DPP10: variants seen among roughly 807,000 people sequenced by gnomAD.
DPP10 encodes inactive dipeptidyl peptidase 10.
Under a neutral mutation model 120.9 loss-of-function variants are expected in DPP10, and 33 were observed. That is an observed-to-expected ratio of 0.27 (90% CI 0.21 to 0.37). The LOEUF is 0.37. Among genes scored for constraint, DPP10 ranks in the 10% least tolerant of loss-of-function variants. The pLI, the probability that DPP10 is intolerant of heterozygous loss-of-function variation, is 1.00. For missense variants in DPP10, 816 were observed against 942.8 expected (o/e 0.87, Z 1.76); for synonymous variants, 337 against 326.1 (o/e 1.03, Z -0.36).
At chr2:115,072,893 C>T (rs1439702337) in intron 1 of DPP10, among the ~76,000 whole-genome samples, 8 of 152,120 alleles carry the variant, frequency 5.3e-5, no homozygotes, top group Non-Finnish European at 1.5e-5. Flanking sequence ...AGCAATTCTC[C>T]TACCTCAGCC....
At chr2:115,402,987 T>C (rs1369817437) in intron 3 of DPP10, among the ~76,000 whole-genome samples, 1 of 148,186 alleles carries the variant, frequency 6.7e-6, no homozygotes, top group Non-Finnish European at 1.5e-5. Context: ...GGCAACATCA[T>C]TGATAAAGAT....
intron 1 of DPP10, among the ~76,000 whole-genome samples, chr2:114,477,052 C>G (rs989578900): frequency 6.6e-6 from 1 of 152,018 alleles, no homozygotes; most frequent in Non-Finnish European, 1.5e-5. Context: ...TCTGCCTCCC[C>G]AGCTTCAAGC....
chr2:115,645,634 T>C (rs2087179398), intron 5 of DPP10, among the ~76,000 whole-genome samples: 1 of 152,162 alleles, frequency 6.6e-6, no homozygotes. Flanking sequence ...TCTTCCTTAT[T>C]ATAAAAAAAA....
chr2:114,760,091 G>A (rs1442382031), intron 1 of DPP10, among the ~76,000 whole-genome samples: 1 of 152,128 alleles, frequency 6.6e-6, no homozygotes, highest in Admixed American at 6.5e-5. Context: ...TCCTGTAGAA[G>A]TCCCTCCAGC....
At chr2:114,641,951 TA>T (rs772260389) in intron 1 of DPP10, among the ~76,000 whole-genome samples, 1 of 151,804 alleles carries the variant, frequency 6.6e-6, no homozygotes, top group South Asian at 2.1e-4. Context: ...TTTTCACTTT[TA>T]AAAAAAATCA....
At chr2:115,115,590 A>G (rs940658584) in intron 1 of DPP10, among the ~76,000 whole-genome samples, 59 of 152,276 alleles carry the variant, frequency 3.9e-4, no homozygotes, top group African/African-American at 1.3e-3. Flanking sequence ...TCCATTATTC[A>G]TTGACTACCA....
chr2:115,379,405 T>G (rs559298665), intron 3 of DPP10, among the ~76,000 whole-genome samples: 10 of 152,324 alleles, frequency 6.6e-5, no homozygotes, highest in African/African-American at 1.4e-4. Context: ...GATATCCCCT[T>G]TATCATTTTT....
At chr2:114,572,133 A>T (rs923524039) in intron 1 of DPP10, among the ~76,000 whole-genome samples, 10 of 151,898 alleles carry the variant, frequency 6.6e-5, no homozygotes, top group African/African-American at 2.4e-4. Flanking sequence ...CAAGGAAGAA[A>T]ATAAACATCA....
At chr2:114,582,663 C>A (rs886132994) in intron 1 of DPP10, among the ~76,000 whole-genome samples, 4 of 152,094 alleles carry the variant, frequency 2.6e-5, no homozygotes, top group Non-Finnish European at 4.4e-5. Context: ...TCTCATTTTG[C>A]TTTTATTTGT....
At chr2:114,881,498 C>A (rs201732499) in intron 1 of DPP10, among the ~76,000 whole-genome samples, 1 of 149,002 alleles carries the variant, frequency 6.7e-6, no homozygotes, top group African/African-American at 2.5e-5. Context: ...TATCATATCT[C>A]TCTGTCTGTC....
At chr2:115,657,697 C>T (rs1382024823) in intron 5 of DPP10, among the ~76,000 whole-genome samples, 2 of 151,710 alleles carry the variant, frequency 1.3e-5, no homozygotes, top group African/African-American at 4.8e-5. Context: ...AACCTAAATG[C>T]GTGGAAGATG....
At chr2:115,394,698 A>G (rs566090820) in intron 3 of DPP10, among the ~76,000 whole-genome samples, 20 of 152,296 alleles carry the variant, frequency 1.3e-4, no homozygotes, top group Admixed American at 2.6e-4. Flanking sequence ...GAGTCTAACC[A>G]AAGGGACTTT....
chr2:115,791,075 T>G lies in DPP10; in HGVS notation c.1532-6T>G, dbSNP rs1683921313. On this transcript the variant is annotated splice_region_variant and splice_polypyrimidine_tract_variant and intron_variant, in intron 17 of 25. Transcript: ENST00000410059. The stretch of plus-strand genomic sequence containing the variant: ...AGCTATTTACACTACCCTTTTTGGT[T>G]TACAGAATATTTTATATTGGAAAGC... 1 of 1,607,452 alleles carries G rather than the reference T, an allele frequency of 6.2e-7. No homozygotes were observed. The highest frequency in any genetic ancestry group is 8.5e-7 in the Non-Finnish European group (1 of 1,176,542).
At chr2:115,293,071 T>C (rs2060725373) in intron 1 of DPP10, among the ~76,000 whole-genome samples, 1 of 152,092 alleles carries the variant, frequency 6.6e-6, no homozygotes, top group African/African-American at 2.4e-5. Context: ...GTTCCATCTC[T>C]AGGGTACAGA....
At chr2:115,232,055 G>T (rs1316679030) in intron 1 of DPP10, among the ~76,000 whole-genome samples, 1 of 152,128 alleles carries the variant, frequency 6.6e-6, no homozygotes, top group South Asian at 2.1e-4. Context: ...GAATCAAGAG[G>T]ACGTACTTTG....
chr2:114,757,952 A>G (rs1196001990), intron 1 of DPP10, among the ~76,000 whole-genome samples: 1 of 152,166 alleles, frequency 6.6e-6, no homozygotes, highest in African/African-American at 2.4e-5. Flanking sequence ...GTCTGTCTCC[A>G]TAGAGTCCCC....
chr2:114,662,362 G>T (rs1368215979), intron 1 of DPP10, among the ~76,000 whole-genome samples: 1 of 152,212 alleles, frequency 6.6e-6, no homozygotes, highest in East Asian at 1.9e-4. Context: ...GGGGAGCTCC[G>T]GAGCTGCAGA....
intron 1 of DPP10, among the ~76,000 whole-genome samples, chr2:115,000,426 A>C (rs778006705): frequency 6.6e-6 from 1 of 152,160 alleles, no homozygotes; most frequent in Non-Finnish European, 1.5e-5. Context: ...TTCCAAAAGA[A>C]CTGTGTTCTG....
chr2:115,519,176 C>CTT (rs2077661376), intron 4 of DPP10, among the ~76,000 whole-genome samples: 3 of 152,086 alleles, frequency 2.0e-5, no homozygotes, highest in African/African-American at 7.2e-5. Flanking sequence ...TTAATTTCCA[C>CTT]TTTCTGCGAA....
Sources: allele counts gnomAD v4.1 joint callset (sites outside exome capture counted in the v4.1 genomes callset), GRCh38; gene constraint gnomAD v4.1.1; transcripts MANE v1.5; gene names NCBI Gene and HGNC (gene_info 2026-07-23, HGNC 2026-07-21).